The following PDE3B variants were observed in gnomAD, a reference collection of about 807,000 sequenced individuals.
PDE3B encodes cGMP-inhibited 3',5'-cyclic phosphodiesterase 3B.
PDE3B carries 66 observed loss-of-function variants against 116.8 expected under a neutral mutation model. That is an observed-to-expected ratio of 0.56 (90% CI 0.46 to 0.69). The LOEUF (loss-of-function observed/expected upper bound fraction) is 0.69. Ranked by LOEUF, PDE3B falls within the 30% of genes least tolerant of loss-of-function variation. PDE3B has a pLI of 0.00. For synonymous variants in PDE3B, 595 were observed against 533.6 expected (o/e 1.12, Z -1.59); for missense variants, 1,384 against 1,368.1 (o/e 1.01, Z -0.18).
At chr11:14,862,256 C>T (rs1236555527) in intron 14 of PDE3B, among the ~76,000 whole-genome samples, 4 of 152,026 alleles carry the variant, frequency 2.6e-5, no homozygotes, top group Non-Finnish European at 5.9e-5. Flanking sequence ...GGGGGTGGGC[C>T]CTCTCCTGCT....
intron 1 of PDE3B, among the ~76,000 whole-genome samples, chr11:14,731,255 A>ATTTTTTTTTTT (rs778089171): frequency 8.3e-6 from 1 of 121,140 alleles, no homozygotes; most frequent in African/African-American, 3.1e-5. Context: ...TTTTACTTTG[A>ATTTTTTTTTTT]TTTTTTTTTT....
chr11:14,799,933 C>T (rs190883827), intron 4 of PDE3B, among the ~76,000 whole-genome samples: 2 of 152,140 alleles, frequency 1.3e-5, no homozygotes, highest in East Asian at 1.9e-4. Context: ...AGCCCATTTA[C>T]GTTTAAGGTT....
chr11:14,689,426 A>C (rs1346244921), intron 1 of PDE3B, among the ~76,000 whole-genome samples: 1 of 152,140 alleles, frequency 6.6e-6, no homozygotes, highest in East Asian at 1.9e-4. Context: ...GTCCTTTAAG[A>C]TTGAAGCCCT....
rs546008857 is a variant in PDE3B, at chr11:14,871,621, C to T, written c.*1961C>T. The T allele has an allele frequency of 6.6e-5, 10 of 152,138 alleles. No homozygotes were observed. The highest frequency in any genetic ancestry group is 4.1e-4 in the South Asian group (2 of 4,826). The allele number at this position is 152,138 out of a possible 1,614,324, so 9.4% of individuals were successfully genotyped here. ...TTCTCAAAAGCAGCATTTTAAATTA[C>T]GAATACTGGACTTATTGGATTTAAT... On this transcript the variant is annotated 3_prime_UTR_variant, in exon 16 of 16. Coordinates refer to ENST00000282096, the MANE Select transcript of PDE3B (RefSeq NM_000922.4).
chr11:14,820,092 C>A (rs1176148909), intron 7 of PDE3B, among the ~76,000 whole-genome samples: 4 of 152,038 alleles, frequency 2.6e-5, no homozygotes, highest in Non-Finnish European at 1.5e-5. Context: ...ATAAAACTTA[C>A]CCTTTTAAAG....
intron 11 of PDE3B, among the ~76,000 whole-genome samples, chr11:14,836,093 C>T (rs1035997090): frequency 6.6e-6 from 1 of 152,148 alleles, no homozygotes; most frequent in Admixed American, 6.6e-5. Context: ...CTTTATGTCA[C>T]TGGTTCATTT....
intron 7 of PDE3B, among the ~76,000 whole-genome samples, chr11:14,823,120 C>T (rs921510529): frequency 2.0e-5 from 3 of 151,956 alleles, no homozygotes; most frequent in Non-Finnish European, 2.9e-5. Flanking sequence ...ATAGTGCTCC[C>T]GGGGGAGGGA....
chr11:14,778,689 G>A (rs539515874), intron 2 of PDE3B, among the ~76,000 whole-genome samples: 3 of 152,272 alleles, frequency 2.0e-5, no homozygotes, highest in Admixed American at 6.5e-5. Flanking sequence ...AAGACCAAAG[G>A]TAGATAAAAC....
intron 5 of PDE3B, among the ~76,000 whole-genome samples, chr11:14,815,748 G>A (rs1237678919): frequency 2.6e-5 from 4 of 152,004 alleles, no homozygotes; most frequent in Non-Finnish European, 4.4e-5. Flanking sequence ...CTTAGAGTGT[G>A]TCCATCACCA....
intron 2 of PDE3B, among the ~76,000 whole-genome samples, chr11:14,785,237 G>A (rs1858154063): frequency 6.6e-6 from 1 of 152,072 alleles, no homozygotes; most frequent in Non-Finnish European, 1.5e-5. Flanking sequence ...TAGGAAATAT[G>A]CTTAATTGTT....
At chr11:14,688,070 A>C (rs1854926051) in intron 1 of PDE3B, among the ~76,000 whole-genome samples, 1 of 150,662 alleles carries the variant, frequency 6.6e-6, no homozygotes, top group African/African-American at 2.4e-5. Context: ...AATTGAATTA[A>C]AATTTTCTTT....
chr11:14,684,565 A>G (rs1854811161), intron 1 of PDE3B, among the ~76,000 whole-genome samples: 1 of 152,194 alleles, frequency 6.6e-6, no homozygotes, highest in Non-Finnish European at 1.5e-5. Context: ...ACAGGGTTGA[A>G]GAGCAGAGAA....
chr11:14,847,024 C>T (rs1006983050), intron 12 of PDE3B, among the ~76,000 whole-genome samples: 21 of 152,180 alleles, frequency 1.4e-4, no homozygotes, highest in African/African-American at 4.6e-4. Context: ...CACCCCAAAT[C>T]AACAGAATAT....
chr11:14,822,694 G>A (rs1299980000), intron 7 of PDE3B, among the ~76,000 whole-genome samples: 1 of 152,242 alleles, frequency 6.6e-6, no homozygotes. Context: ...AGCCCCAGGA[G>A]CTATAGATAC....
At chr11:14,679,126 C>A (rs1428873686) in intron 1 of PDE3B, among the ~76,000 whole-genome samples, 1 of 152,072 alleles carries the variant, frequency 6.6e-6, no homozygotes, top group Non-Finnish European at 1.5e-5. Context: ...ATTCCCTCTG[C>A]CAATACCACA....
Position 14,703,923 on chromosome 11 carries a change from A to G in PDE3B, c.978+58870A>G, listed in dbSNP as rs552430793. Among the ~76,000 whole-genome samples, 4 of 151,524 alleles carry G rather than the reference A, an allele frequency of 2.6e-5. 1 individual carries two copies. In the South Asian group the frequency reaches 8.3e-4, roughly 32 times the overall value. ...TTCTTTGTTTAACTCTCACTCTTGG[A>G]TGATAGTTTAGCTGGGTATAGAATT... On this transcript the variant is annotated intron_variant, in intron 1 of 15. Coordinates refer to ENST00000282096, the MANE Select transcript of PDE3B (RefSeq NM_000922.4).
intron 1 of PDE3B, among the ~76,000 whole-genome samples, chr11:14,650,529 G>A (rs1028473890): frequency 7.2e-5 from 11 of 152,156 alleles, no homozygotes; most frequent in African/African-American, 2.7e-4. Context: ...TGGGTTTAAG[G>A]ATTTTGAGAT....
At chr11:14,739,733 C>T (rs183541248) in intron 1 of PDE3B, among the ~76,000 whole-genome samples, 1 of 152,036 alleles carries the variant, frequency 6.6e-6, no homozygotes, top group Non-Finnish European at 1.5e-5. Flanking sequence ...GATATTGGCT[C>T]TGGGTTTGTC....
At position 14,738,102 on chromosome 11, in the gene PDE3B, A is replaced by G. The variant is rs1856655111; in HGVS notation, c.979-33835A>G. ...ATACGTGTGCATGTGTCTTTATAGC[A>G]GCATGATTTATAGTCCTTTGGGTAT... On this transcript the variant is annotated intron_variant, in intron 1 of 15. Transcript: ENST00000282096. 2.0e-5 allele frequency among the ~76,000 whole-genome samples: 3 copies of G among 152,196 alleles called. No homozygotes were observed. In the South Asian group the frequency reaches 6.2e-4, roughly 31 times the overall value.
Sources: gnomAD v4.1 joint callset for allele counts (sites outside exome capture counted in the v4.1 genomes callset) on GRCh38, gnomAD v4.1.1 for gene constraint, MANE v1.5 for transcripts, NCBI Gene and HGNC (gene_info 2026-07-23, HGNC 2026-07-21) for gene names.